Variants in PLEKHM3 observed in about 807,000 individuals in gnomAD.
The protein encoded by PLEKHM3 is pleckstrin homology domain-containing family M member 3.
A neutral mutation model predicts 81.8 loss-of-function variants in PLEKHM3; 45 were observed. The ratio of observed to expected loss-of-function variants is 0.55; its 90% CI spans 0.43 to 0.71. The LOEUF is 0.71. PLEKHM3 is among the 30% of genes least tolerant of loss of function. PLEKHM3 has a pLI of 0.00. For synonymous variants in PLEKHM3, 352 were observed against 356.4 expected (o/e 0.99, Z 0.14); for missense variants, 788 against 924.3 (o/e 0.85, Z 1.91).
chr2:207,847,734 G>C (rs559209939), intron 7 of PLEKHM3, among the ~76,000 whole-genome samples: 1 of 152,276 alleles, frequency 6.6e-6, no homozygotes, highest in South Asian at 2.1e-4. Flanking sequence ...CCTCTGAAAA[G>C]GTACTCTACA....
chr2:207,847,515 A>G (rs2092390468), intron 7 of PLEKHM3, among the ~76,000 whole-genome samples: 1 of 152,226 alleles, frequency 6.6e-6, no homozygotes, highest in South Asian at 2.1e-4. Context: ...CATGCACACG[A>G]CATGTGAGCT....
At chr2:207,896,207 C>T (rs1471526) in intron 6 of PLEKHM3, among the ~76,000 whole-genome samples, 93,592 of 152,124 alleles carry the variant, frequency 0.62, 29,510 homozygotes, top group African/African-American at 0.71. Context: ...CCAATCCTCT[C>T]ACTTCACGAA....
chr2:207,955,931 G>A (rs1690491513), intron 3 of PLEKHM3, among the ~76,000 whole-genome samples: 2 of 152,168 alleles, frequency 1.3e-5, no homozygotes, highest in African/African-American at 4.8e-5. Flanking sequence ...TAAGAGATGA[G>A]GAAAGGAGGA....
Position 207,824,124 on chromosome 2 carries a change from C to T in PLEKHM3, c.*4195G>A, listed in dbSNP as rs2092235209. On this transcript the variant is annotated 3_prime_UTR_variant, in exon 8 of 8. Coordinates refer to ENST00000427836, the MANE Select transcript of PLEKHM3 (RefSeq NM_001080475.3). ...TGCAACATATGAAGCTCCTAATGCC[C>T]ATCACTAACAAGTGACACGGAGGCA... The T allele has an allele frequency of 6.6e-6, 1 of 152,180 alleles. No homozygotes were observed. The highest frequency in any genetic ancestry group is 1.5e-5 in the Non-Finnish European group (1 of 68,040). The allele number at this position is 152,180 out of a possible 1,614,324, so 9.4% of individuals were successfully genotyped here. A position where few individuals can be genotyped will look rare whatever the true frequency, so the allele number is the denominator to read the frequency against.
In PLEKHM3 at chr2:207,976,634, G is replaced by A. The variant is rs899438565; in HGVS notation, c.1546+17C>T. 9.4e-6 allele frequency: 15 copies of A among 1,603,094 alleles called. No individual in the cohort carries two copies. The highest frequency in any genetic ancestry group is 1.3e-5 in the African/African-American group (1 of 74,672). ...ATTGTTCTTTAATGAGCTATAGGCT[G>A]AAAATCTGCTTCATACCTGCACATT... On this transcript the variant is annotated intron_variant, in intron 3 of 7. Coordinates refer to ENST00000427836, the MANE Select transcript of PLEKHM3 (RefSeq NM_001080475.3). The surrounding 1 kb of genome is among the most constrained non-coding windows in gnomAD (Gnocchi z 4.1).
intron 5 of PLEKHM3, among the ~76,000 whole-genome samples, chr2:207,928,831 G>A (rs1689491995): frequency 6.6e-6 from 1 of 152,246 alleles, no homozygotes; most frequent in South Asian, 2.1e-4. Context: ...AGTTATCTCA[G>A]AAACAGAACC....
chr2:207,828,635 A>G, intron 7 of PLEKHM3, 139 bp from the exon 8 acceptor site: 1 of 749,820 alleles, frequency 1.3e-6, no homozygotes, highest in South Asian at 1.9e-5. Flanking sequence ...GAGATGACTC[A>G]CTGAAATGAA....
intron 2 of PLEKHM3, among the ~76,000 whole-genome samples, chr2:207,994,068 C>T (rs913227111): frequency 6.6e-6 from 1 of 152,132 alleles, no homozygotes; most frequent in Non-Finnish European, 1.5e-5. Flanking sequence ...ATAATTTAAC[C>T]TGCCTCAGTA....
At chr2:208,008,551 G>A (rs1222854839) in intron 1 of PLEKHM3, among the ~76,000 whole-genome samples, 4 of 148,174 alleles carry the variant, frequency 2.7e-5, no homozygotes, top group Non-Finnish European at 5.9e-5. Context: ...GTCCCAGGGA[G>A]TGCTGTGCCT....
intron 5 of PLEKHM3, among the ~76,000 whole-genome samples, chr2:207,926,897 C>T (rs573251104): frequency 2.6e-5 from 4 of 152,298 alleles, no homozygotes; most frequent in Middle Eastern, 3.4e-3. Context: ...CCCTGGCGGT[C>T]GAGCGCTAAT....
intron 1 of PLEKHM3, among the ~76,000 whole-genome samples, chr2:208,022,220 A>T (rs919207487): frequency 6.6e-6 from 1 of 152,174 alleles, no homozygotes; most frequent in Non-Finnish European, 1.5e-5. Flanking sequence ...AATTTATGTT[A>T]ATTTGAGATT....
rs111296697 is a variant in PLEKHM3, at chr2:207,892,377, G to C, written c.1950+16137C>G. Reference sequence around the variant, plus strand: ...CAATGCATCATAATCATTTTTGATTGGTTACATTTCGCAGATTGCATTTTA... The same window carrying C: ...CAATGCATCATAATCATTTTTGATTCGTTACATTTCGCAGATTGCATTTTA... On this transcript the variant is annotated intron_variant, in intron 6 of 7. Coordinates refer to ENST00000427836, the MANE Select transcript of PLEKHM3 (RefSeq NM_001080475.3). 1.6e-3 allele frequency among the ~76,000 whole-genome samples: 249 copies of C among 152,224 alleles called. 1 individual carries two copies. The highest frequency in any genetic ancestry group is 5.4e-3 in the African/African-American group (225 of 41,518).
At chr2:207,865,801 A>AAAAAAAAAAAAAAAAAATAT in intron 6 of PLEKHM3, among the ~76,000 whole-genome samples, 2 of 25,288 alleles carry the variant, frequency 7.9e-5, no homozygotes, top group Non-Finnish European at 1.5e-4. Flanking sequence ...AAAAAAAAAA[A>AAAAAAAAAAAAAAAAAATAT]AGATATATAT....
chr2:207,847,484 G>A (rs2092390225), intron 7 of PLEKHM3, among the ~76,000 whole-genome samples: 1 of 152,182 alleles, frequency 6.6e-6, no homozygotes, highest in Non-Finnish European at 1.5e-5. Context: ...TCCATCTGGG[G>A]AGTCATCACC....
At chr2:207,902,022 C>G (rs552149217) in intron 6 of PLEKHM3, among the ~76,000 whole-genome samples, 2 of 152,150 alleles carry the variant, frequency 1.3e-5, no homozygotes, top group Non-Finnish European at 2.9e-5. Flanking sequence ...ACCACTAATG[C>G]CTGGGTGGAC....
chr2:208,012,577 C>T (rs770239037), intron 1 of PLEKHM3, among the ~76,000 whole-genome samples: 9 of 152,196 alleles, frequency 5.9e-5, no homozygotes, highest in Non-Finnish European at 1.2e-4. Context: ...AACCCCTCAG[C>T]CACTCAGACT....
intron 1 of PLEKHM3, among the ~76,000 whole-genome samples, chr2:208,004,395 G>T (rs909163035): frequency 2.0e-5 from 3 of 148,612 alleles, no homozygotes; most frequent in Non-Finnish European, 3.0e-5. Flanking sequence ...TCCAGCCTGG[G>T]CAACAGAGCA....
At chr2:207,925,308 TC>T (rs768779661) in intron 5 of PLEKHM3, among the ~76,000 whole-genome samples, 4 of 152,116 alleles carry the variant, frequency 2.6e-5, no homozygotes, top group Non-Finnish European at 4.4e-5. Flanking sequence ...CTTCTACTGA[TC>T]CTGTGTGCTC....
At chr2:207,837,761 ATTTTTTTTTTT>A (rs1194861994) in intron 7 of PLEKHM3, among the ~76,000 whole-genome samples, 4 of 74,738 alleles carry the variant, frequency 5.4e-5, no homozygotes, top group East Asian at 5.4e-4. Flanking sequence ...CGGTTCTTCC[ATTTTTTTTTTT>A]TTTTTTTTTT....
Sources: gnomAD v4.1 joint callset for allele counts (sites outside exome capture counted in the v4.1 genomes callset) on GRCh38, gnomAD v4.1.1 for gene constraint, Gnocchi (gnomAD v3.1) non-coding constraint, MANE v1.5 for transcripts, NCBI Gene and HGNC (gene_info 2026-07-23, HGNC 2026-07-21) for gene names.